The following HIPK1 variants were observed in gnomAD, a reference collection of about 807,000 sequenced individuals.
HIPK1 encodes homeodomain interacting protein kinase 1.
Under a neutral mutation model 117.1 loss-of-function variants are expected in HIPK1, and 28 were observed. The ratio of observed to expected loss-of-function variants is 0.24; its 90% CI spans 0.18 to 0.33. The LOEUF is 0.33. HIPK1 is among the 10% of genes least tolerant of loss of function. HIPK1 has a pLI of 1.00. For synonymous variants in HIPK1, 605 were observed against 562.5 expected, an observed-to-expected ratio of 1.08 and a Z score of -1.07; for missense variants, 1,122 against 1,475.1, an observed-to-expected ratio of 0.76 and a Z score of 3.92.
rs140161727 is a variant in HIPK1, at chr1:113,944,159, G to GTTTTTTTTTTTTTTTT, written c.1076+2714_1076+2729dup. On this transcript the variant is annotated intron_variant, in intron 2 of 15. Transcript: ENST00000426820. The stretch of plus-strand genomic sequence containing the variant: ...TTTGTTTTTTAAATAATAGCCATGG[G>GTTTTTTTTTTTTTTTT]TTTTTTTTTTTTTTTTTTTTTTTTT... Among the ~76,000 whole-genome samples the GTTTTTTTTTTTTTTTT allele has an allele frequency of 5.4e-5, 3 of 55,218 alleles. 1 individual carries two copies. Among genetic ancestry groups the GTTTTTTTTTTTTTTTT allele is most frequent in the African/African-American group, 2.6e-4 (3 of 11,512 alleles). 36.2% of individuals were successfully genotyped at this position (55,218 alleles called of 152,430 possible).
intron 1 of HIPK1, chr1:113,933,125 G>T (rs1431981683): frequency 1.0e-6 from 1 of 964,588 alleles, no homozygotes; most frequent in Non-Finnish European, 1.2e-6. Flanking sequence ...CTTTTCTTTT[G>T]TTCTGTTGCC....
rs1238976828 is a variant in HIPK1 at position 113,973,344 on chromosome 1, G to A, written c.3465G>A (p.Gln1155=). Residue 1155 remains glutamine (Q), a synonymous_variant, in exon 16 of 16, where the codon CAG becomes CAA. Transcript: ENST00000426820. ...YTTHPSTLVH[Q]VPVSVGPSLL... Reference sequence around the variant, plus strand: ...CTCACCCTAGCACTTTGGTGCACCAGGTCCCTGTCAGTGTTGGGCCCAGCC... The same window carrying A: ...CTCACCCTAGCACTTTGGTGCACCAAGTCCCTGTCAGTGTTGGGCCCAGCC... 6.2e-7 allele frequency: 1 copy of A among 1,614,180 alleles called. No homozygotes were observed. Among genetic ancestry groups the A allele is most frequent in the Admixed American group, 1.7e-5 (1 of 60,026 alleles).
Position 113,940,779 on chromosome 1 carries a change from C to G in HIPK1, c.396C>G (p.Ser132Arg). 6.2e-7 allele frequency: 1 copy of G among 1,614,070 alleles called. No homozygotes were observed. Among genetic ancestry groups the G allele is most frequent in the Non-Finnish European group, 8.5e-7 (1 of 1,180,040 alleles). The change falls in exon 2 of 16, where the codon AGC (serine) becomes AGG (arginine). Residue 132 changes from serine to arginine, a missense_variant. This residue lies in a region of HIPK1 where 192 missense variants were observed against 234.0 expected (regional missense o/e 0.82). Coordinates refer to ENST00000426820, the MANE Select transcript of HIPK1 (RefSeq NM_198268.3). The stretch of plus-strand genomic sequence containing the variant: ...AACGAAAAAGTGAGGAAGTTGACAG[C>G]AACGGTAGTGTGCAGATCATAGAAG... ...GLKRKSEEVD[S>R]NGSVQIIEEH...
At chr1:113,938,956 AC>A (rs1670454715) in intron 1 of HIPK1, among the ~76,000 whole-genome samples, 1 of 141,136 alleles carries the variant, frequency 7.1e-6, no homozygotes, top group Admixed American at 7.1e-5. Context: ...ACACACACAC[AC>A]ACACACTTAG....
At chr1:113,946,911 T>C (rs1198194129) in intron 2 of HIPK1, among the ~76,000 whole-genome samples, 1 of 152,162 alleles carries the variant, frequency 6.6e-6, no homozygotes, top group Non-Finnish European at 1.5e-5. Flanking sequence ...CATTCCTTCT[T>C]TATCACTAGT....
intron 8 of HIPK1, among the ~76,000 whole-genome samples, chr1:113,959,138 C>T (rs1323491546): frequency 6.6e-6 from 1 of 152,020 alleles, no homozygotes; most frequent in Non-Finnish European, 1.5e-5. Context: ...AGTGTCAGTA[C>T]CCTGTGAGAA....
At chr1:113,936,044 GT>G (rs1437391134) in intron 1 of HIPK1, among the ~76,000 whole-genome samples, 2 of 152,194 alleles carry the variant, frequency 1.3e-5, no homozygotes, top group African/African-American at 4.8e-5. Context: ...AGAAATTGCT[GT>G]TTTAGCTGAG....
chr1:113,940,992 G>A lies in HIPK1; in HGVS notation c.609G>A (p.Gln203=). 6.2e-7 allele frequency: 1 copy of A among 1,614,168 alleles called. No individual in the cohort carries two copies. The highest frequency in any genetic ancestry group is 1.1e-5 in the South Asian group (1 of 91,086). The change falls in exon 2 of 16, where the codon CAG becomes CAA. Residue 203 remains glutamine, a synonymous_variant. Transcript: ENST00000426820. ...TCCTAGGCCGGGGGACATTTGGACAGGTGGCTAAGTGCTGGAAGAGGAGCA... is the reference window on the plus strand; with the variant it reads ...TCCTAGGCCGGGGGACATTTGGACAAGTGGCTAAGTGCTGGAAGAGGAGCA... ...LEFLGRGTFG[Q]VAKCWKRSTK...
At chr1:113,939,930 T>C (rs1340689299) in intron 1 of HIPK1, among the ~76,000 whole-genome samples, 1 of 151,872 alleles carries the variant, frequency 6.6e-6, no homozygotes, top group Non-Finnish European at 1.5e-5. Context: ...GAATATACTC[T>C]AGCTTTCTCA....
intron 10 of HIPK1, among the ~76,000 whole-genome samples, chr1:113,964,129 T>C (rs990488253): frequency 6.6e-6 from 1 of 152,230 alleles, no homozygotes; most frequent in Non-Finnish European, 1.5e-5. Flanking sequence ...TGGCAGCTTA[T>C]ATCTTACATT....
chr1:113,942,896 TAA>T, intron 2 of HIPK1, among the ~76,000 whole-genome samples: 1 of 152,094 alleles, frequency 6.6e-6, no homozygotes, highest in Non-Finnish European at 1.5e-5. Flanking sequence ...AGTGAAATAA[TAA>T]AAACATAGAT....
intron 8 of HIPK1, 115 bp downstream of exon 8, chr1:113,958,406 G>T (rs1571704272): frequency 5.7e-6 from 4 of 700,288 alleles, no homozygotes; most frequent in East Asian, 2.8e-5. Flanking sequence ...TGATGAAGAA[G>T]GTAACTAAAA....
chr1:113,973,003 C>T lies in HIPK1; in HGVS notation c.3145-21C>T, dbSNP rs1261637608. On this transcript the variant is annotated intron_variant, in intron 15 of 15. Coordinates refer to ENST00000426820, the MANE Select transcript of HIPK1 (RefSeq NM_198268.3). ...GCTGGAGTGACCTCAGGATTCCTCA[C>T]TTCTTCCTTCTTTCTTCCAGAACCA... 6 of 1,513,040 alleles carry T rather than the reference C, an allele frequency of 4.0e-6. No individual in the cohort carries two copies. The East Asian group carries it at 9.1e-5, about 23-fold the overall frequency. The allele number at this position is 1,513,040 out of a possible 1,614,324, so 93.7% of individuals were successfully genotyped here.
intron 12 of HIPK1, 41 bp from the exon 13 acceptor site, chr1:113,968,401 C>A: frequency 7.0e-7 from 1 of 1,431,498 alleles, no homozygotes; most frequent in Non-Finnish European, 9.9e-7. Flanking sequence ...ATTTGGAAGG[C>A]CAAGGACTGA....
intron 8 of HIPK1, among the ~76,000 whole-genome samples, chr1:113,960,922 A>G (rs537819875): frequency 2.0e-5 from 3 of 152,314 alleles, no homozygotes; most frequent in African/African-American, 7.2e-5. Flanking sequence ...TAGGTCTATG[A>G]GTTATGCTCA....
chr1:113,930,493 C>T (rs1029632481), intron 1 of HIPK1: 1 of 152,182 alleles, frequency 6.6e-6, no homozygotes, highest in Non-Finnish European at 1.5e-5. Flanking sequence ...GAGACCAGCC[C>T]ACCTAATGTA....
At chr1:113,951,822 A>C (rs917494746) in intron 2 of HIPK1, among the ~76,000 whole-genome samples, 2 of 151,896 alleles carry the variant, frequency 1.3e-5, no homozygotes, top group Admixed American at 6.6e-5. Context: ...TAGGATTCAG[A>C]CCCTGACAGG....
At chr1:113,972,220 A>G (rs1225551584) in intron 15 of HIPK1, 1 of 918,428 alleles carries the variant, frequency 1.1e-6, no homozygotes, top group Non-Finnish European at 1.6e-6. Flanking sequence ...GGATTTAGAA[A>G]GAGCCTGGGG....
Position 113,941,148 on chromosome 1 carries a change from C to G in HIPK1, c.765C>G (p.Tyr255Ter). The change falls in exon 2 of 16, where the codon TAC (tyrosine) becomes TAG (stop). Residue 255 changes from tyrosine to a stop codon, truncating the protein, a stop_gained. Transcript: ENST00000426820. LOFTEE classifies it high-confidence loss of function. This position sits in a 1 kb window ranked among gnomAD's most constrained non-coding sequence, Gnocchi z 4.9. ...NADEYNFVRS[Y>*]ECFQHKNHTC... ...ATGAGTATAATTTTGTCCGTTCATA[C>G]GAGTGCTTTCAGCATAAGAATCACA... 1 of 1,614,230 alleles carries G rather than the reference C, an allele frequency of 6.2e-7. No individual in the cohort carries two copies. Among genetic ancestry groups the G allele is most frequent in the Non-Finnish European group, 8.5e-7 (1 of 1,180,044 alleles).
Sources: allele counts gnomAD v4.1 joint callset (sites outside exome capture counted in the v4.1 genomes callset), GRCh38; gene constraint gnomAD v4.1.1; regional missense constraint gnomAD v4.1.1; non-coding constraint Gnocchi (gnomAD v3.1); transcripts MANE v1.5; gene names NCBI Gene and HGNC (gene_info 2026-07-23, HGNC 2026-07-21).